Variants in BAK1 observed in about 807,000 individuals in gnomAD.
The protein encoded by BAK1 is bcl-2 homologous antagonist/killer.
In BAK1, 19 loss-of-function variants were observed where a neutral mutation model predicts 24.7. The observed-to-expected ratio is 0.77, with a 90% CI of 0.54 to 1.13. The LOEUF is 1.13. Ranked by LOEUF, BAK1 falls within the 50% of genes most tolerant of loss-of-function variation. The probability of loss-of-function intolerance (pLI) is 0.00; values close to 1 mark genes in which losing one functional copy is unlikely to be tolerated. For synonymous variants in BAK1, 86 were observed against 107.3 expected (o/e 0.80, Z 1.23); for missense variants, 194 against 279.4 (o/e 0.69, Z 2.18).
Position 33,573,244 on chromosome 6 carries a change from C to G in BAK1, c.*559G>C. 1 of 153,282 alleles carries G rather than the reference C, an allele frequency of 6.5e-6. No individual in the cohort carries two copies. The highest frequency in any genetic ancestry group is 6.5e-5 in the Admixed American group (1 of 15,498). 9.5% of individuals were successfully genotyped at this position (153,282 alleles called of 1,614,324 possible). On this transcript the variant is annotated 3_prime_UTR_variant, in exon 6 of 6. Coordinates refer to ENST00000374467, the MANE Select transcript of BAK1 (RefSeq NM_001188.4). ...GGGGTAGAGTTGAGCAGGACCTTGG[C>G]CCCCCTCTCCTAGTAGGTCCTGCTC...
At chr6:33,574,376 G>A (rs1762809145) in intron 4 of BAK1, 162 bp from the exon 5 acceptor site, 9 of 1,440,318 alleles carry the variant, frequency 6.2e-6, no homozygotes, top group African/African-American at 1.4e-5. Flanking sequence ...GAACAACCTG[G>A]GTCTCTGCGA....
At position 33,575,777 on chromosome 6, in the gene BAK1, A is replaced by G; in HGVS notation, c.206+16T>C. 1 of 1,611,452 alleles carries G rather than the reference A, an allele frequency of 6.2e-7. No homozygotes were observed. Among genetic ancestry groups the G allele is most frequent in the Non-Finnish European group, 8.5e-7 (1 of 1,179,356 alleles). On this transcript the variant is annotated intron_variant, in intron 3 of 5. Coordinates refer to ENST00000374467, the MANE Select transcript of BAK1 (RefSeq NM_001188.4). This position sits in a 1 kb window ranked among gnomAD's most constrained non-coding sequence, Gnocchi z 6.3. ...TCCCTGAAGATGTCCTTGTGGGCCC[A>G]GCGGTTGTAGCTCACCTGCTAGGTT...
In BAK1 at chr6:33,577,443, G is replaced by A. The variant is rs1762865716; in HGVS notation, c.70+92C>T. On this transcript the variant is annotated intron_variant, in intron 2 of 5. Transcript: ENST00000374467. This position sits in a 1 kb window ranked among gnomAD's most constrained non-coding sequence, Gnocchi z 4.6. The stretch of plus-strand genomic sequence containing the variant: ...ATTCCCCACCCACAGTGGGTGAACC[G>A]AGGCGAAGGAGCCTGCCTGAGTCCT... 7.2e-6 allele frequency: 9 copies of A among 1,244,684 alleles called. No homozygotes were observed. Among genetic ancestry groups the A allele is most frequent in the South Asian group, 1.6e-5 (1 of 61,508 alleles). 77.1% of individuals were successfully genotyped at this position (1,244,684 alleles called of 1,614,324 possible). A position where few individuals can be genotyped will look rare whatever the true frequency, so the allele number is the denominator to read the frequency against.
At position 33,575,269 on chromosome 6, in the gene BAK1, T is replaced by C. The variant is rs563033017; in HGVS notation, c.350+29A>G. On this transcript the variant is annotated intron_variant, in intron 4 of 5. Transcript: ENST00000374467. This position sits in a 1 kb window ranked among gnomAD's most constrained non-coding sequence, Gnocchi z 6.3. ...GGTTGTGACATGACAGAGGAGTGAC[T>C]GGAGCTGGCAGGGAGGTGGCTGGGG... The C allele has an allele frequency of 3.1e-6, 5 of 1,614,122 alleles. No homozygotes were observed. In the African/African-American group the frequency reaches 5.3e-5, roughly 17 times the overall value.
chr6:33,574,635 G>C, intron 4 of BAK1: 3 of 924,966 alleles, frequency 3.2e-6, no homozygotes, highest in Non-Finnish European at 4.6e-6. Flanking sequence ...GGATATTTCA[G>C]CTCTGAGCAC....
intron 4 of BAK1, chr6:33,574,451 G>A: frequency 6.7e-7 from 1 of 1,503,704 alleles, no homozygotes; most frequent in Non-Finnish European, 8.9e-7. Context: ...AGGTGCAACG[G>A]GGCACAGAGA....
rs1038957476 is a variant in BAK1 at position 33,573,070 on chromosome 6, A to AGAG, written c.*730_*732dup. Reference sequence around the variant, plus strand: ...AAGGAGAGAGGAAGGGAGAGAACTGAGAGGACCTTGGGAGGCAGGCTTGGA... The same window carrying AGAG: ...AAGGAGAGAGGAAGGGAGAGAACTGAGAGGAGGACCTTGGGAGGCAGGCTTGGA... On this transcript the variant is annotated 3_prime_UTR_variant, in exon 6 of 6. Transcript: ENST00000374467. 3 of 152,972 alleles carry AGAG rather than the reference A, an allele frequency of 2.0e-5. No homozygotes were observed. Among genetic ancestry groups the AGAG allele is most frequent in the African/African-American group, 7.2e-5 (3 of 41,420 alleles). The allele number at this position is 152,972 out of a possible 1,614,324, so 9.5% of individuals were successfully genotyped here.
rs762960717 is a variant in BAK1, at chr6:33,575,413, C to T, written c.235G>A (p.Ala79Thr). 7 of 1,613,844 alleles carry T rather than the reference C, an allele frequency of 4.3e-6. No homozygotes were observed. The highest frequency in any genetic ancestry group is 2.7e-5 in the African/African-American group (2 of 74,898). ...CGGTTGATGTCGTCCCCGATGATGG[C>T]GAGCTGCCGTCCCACCTGCCCCATG... The part of the protein sequence containing the change: ...STMGQVGRQL[A>T]IIGDDINRRY... Residue 79 changes from alanine to threonine, a missense_variant, in exon 4 of 6, where the codon GCC becomes ACC. By Grantham distance (58) the Ala-to-Thr change is moderately conservative. Coordinates refer to ENST00000374467, the MANE Select transcript of BAK1 (RefSeq NM_001188.4). The surrounding 1 kb of genome is among the most constrained non-coding windows in gnomAD (Gnocchi z 6.3).
rs1031476598 is a variant in BAK1 at position 33,576,062 on chromosome 6, C to T, written c.71-134G>A. ...GAAATATCCCAACCAGGTGCGGTGG[C>T]TCACGCCTATAATCCCAGCACTTTG... On this transcript the variant is annotated intron_variant, in intron 2 of 5. Transcript: ENST00000374467. The T allele has an allele frequency of 4.4e-6, 6 of 1,356,762 alleles. No individual in the cohort carries two copies. The African/African-American group carries it at 7.3e-5, about 16-fold the overall frequency. The allele number at this position is 1,356,762 out of a possible 1,614,324, so 84.0% of individuals were successfully genotyped here.
intron 4 of BAK1, chr6:33,574,542 C>T: frequency 7.2e-7 from 1 of 1,392,200 alleles, no homozygotes; most frequent in Non-Finnish European, 9.5e-7. Flanking sequence ...GCCCGAGGGA[C>T]AGCAGAGAGA....
Position 33,573,830 on chromosome 6 carries a change from A to C in BAK1, c.609T>G (p.Phe203Leu). Residue 203 changes from phenylalanine to leucine, a missense_variant, in exon 6 of 6, where the codon TTT becomes TTG. By Grantham distance (22) the Phe-to-Leu change is conservative. Transcript: ENST00000374467. Reference sequence around the variant, plus strand: ...ATGATTTGAAGAATCTTCGTACCACAAACTGGCCCAACAGAACCACACCCA... The same window carrying C: ...ATGATTTGAAGAATCTTCGTACCACCAACTGGCCCAACAGAACCACACCCA... ...VVLGVVLLGQ[F>L]VVRRFFKS 1 of 1,614,184 alleles carries C rather than the reference A, an allele frequency of 6.2e-7. No homozygotes were observed. Among genetic ancestry groups the C allele is most frequent in the Non-Finnish European group, 8.5e-7 (1 of 1,179,998 alleles).
In BAK1 at chr6:33,575,128, C is replaced by T. The variant is rs540936025; in HGVS notation, c.350+170G>A. On this transcript the variant is annotated intron_variant, in intron 4 of 5. Transcript: ENST00000374467. The surrounding 1 kb of genome is among the most constrained non-coding windows in gnomAD (Gnocchi z 6.3). Reference sequence around the variant, plus strand: ...TAATGCCCAAAATACAAGTCTGGGACCCCGAAAGAGAAAAATAGGGGGCCG... The same window carrying T: ...TAATGCCCAAAATACAAGTCTGGGATCCCGAAAGAGAAAAATAGGGGGCCG... 6 of 988,130 alleles carry T rather than the reference C, an allele frequency of 6.1e-6. No homozygotes were observed. In the African/African-American group the frequency reaches 8.0e-5, roughly 13 times the overall value. 61.2% of individuals were successfully genotyped at this position (988,130 alleles called of 1,614,324 possible). A position where few individuals can be genotyped will look rare whatever the true frequency, so the allele number is the denominator to read the frequency against.
In BAK1 at chr6:33,573,525, C is replaced by T. The variant is rs1762795410; in HGVS notation, c.*278G>A. 3 of 479,204 alleles carry T rather than the reference C, an allele frequency of 6.3e-6. No individual in the cohort carries two copies. The highest frequency in any genetic ancestry group is 6.8e-5 in the South Asian group (2 of 29,552). The allele number at this position is 479,204 out of a possible 1,614,324, so 29.7% of individuals were successfully genotyped here. On this transcript the variant is annotated 3_prime_UTR_variant, in exon 6 of 6. Coordinates refer to ENST00000374467, the MANE Select transcript of BAK1 (RefSeq NM_001188.4). Reference sequence around the variant, plus strand: ...CTCCCCAAGTTATCAGTCTCCCCAGCGCCTAGCAGACAGGGCTAAGGAGGT... The same window carrying T: ...CTCCCCAAGTTATCAGTCTCCCCAGTGCCTAGCAGACAGGGCTAAGGAGGT...
Position 33,574,157 on chromosome 6 carries a change from G to A in BAK1, c.408C>T (p.Tyr136=), listed in dbSNP as rs747223284. 2.0e-5 allele frequency: 33 copies of A among 1,614,020 alleles called. No individual in the cohort carries two copies. Among genetic ancestry groups the A allele is most frequent in the Non-Finnish European group, 8.5e-7 (1 of 1,180,024 alleles). Residue 136 remains tyrosine (Y), a synonymous_variant, in exon 5 of 6, where the codon TAC becomes TAT. Transcript: ENST00000374467. ...GRVVALLGFG[Y]RLALHVYQHG... is the part of the protein sequence containing the mutation. Reference sequence around the variant, plus strand: ...GCTGGTAGACGTGTAGGGCCAGACGGTAGCCGAAGCCCAGAAGAGCCACCA... The same window carrying A: ...GCTGGTAGACGTGTAGGGCCAGACGATAGCCGAAGCCCAGAAGAGCCACCA...
Position 33,577,813 on chromosome 6 carries a change from C to T in BAK1, c.-31-178G>A, listed in dbSNP as rs1258142024. ...AACTCCTGACCTCGTGAGTCTGCCT[C>T]GGCCATCCACAGTGCTGGGATTACA... On this transcript the variant is annotated intron_variant, in intron 1 of 5. Coordinates refer to ENST00000374467, the MANE Select transcript of BAK1 (RefSeq NM_001188.4). This position sits in a 1 kb window ranked among gnomAD's most constrained non-coding sequence, Gnocchi z 4.6. Among the ~76,000 whole-genome samples, 1 of 152,216 alleles carries T rather than the reference C, an allele frequency of 6.6e-6. No homozygotes were observed. Among genetic ancestry groups the T allele is most frequent in the Non-Finnish European group, 1.5e-5 (1 of 68,026 alleles).
At position 33,574,329 on chromosome 6, in the gene BAK1, A is replaced by G. The variant is rs1452280500; in HGVS notation, c.351-115T>C. On this transcript the variant is annotated intron_variant, in intron 4 of 5. Coordinates refer to ENST00000374467, the MANE Select transcript of BAK1 (RefSeq NM_001188.4). ...AGCTAAATAGCTTAGCTGTGAATTAAGGCCGCAGAGGCTGCCCCAACCTGG... is the reference window on the plus strand; with the variant it reads ...AGCTAAATAGCTTAGCTGTGAATTAGGGCCGCAGAGGCTGCCCCAACCTGG... 4.1e-6 allele frequency: 6 copies of G among 1,446,438 alleles called. 1 individual carries two copies. Among genetic ancestry groups the G allele is most frequent in the Non-Finnish European group, 4.7e-6 (5 of 1,060,966 alleles). The allele number at this position is 1,446,438 out of a possible 1,614,324, so 89.6% of individuals were successfully genotyped here.
intron 4 of BAK1, among the ~76,000 whole-genome samples, chr6:33,574,744 T>C (rs547867032): frequency 3.3e-5 from 5 of 152,338 alleles, no homozygotes; most frequent in African/African-American, 1.2e-4. Context: ...TGGCTAACAC[T>C]TTGTAAGGTG....
At chr6:33,574,596 A>G (rs1390821392) in intron 4 of BAK1, 1 of 1,276,008 alleles carries the variant, frequency 7.8e-7, no homozygotes, top group Non-Finnish European at 1.0e-6. Flanking sequence ...TCACAGTGGT[A>G]TGAAGGCTGG....
chr6:33,573,831 A>G lies in BAK1; in HGVS notation c.608T>C (p.Phe203Ser). ...TGATTTGAAGAATCTTCGTACCACA[A>G]ACTGGCCCAACAGAACCACACCCAG... ...VVLGVVLLGQ[F>S]VVRRFFKS The change falls in exon 6 of 6, where the codon TTT becomes TCT. Residue 203 changes from phenylalanine to serine, a missense_variant. Physicochemically the swap from Phe to Ser is radical, Grantham distance 155. Coordinates refer to ENST00000374467, the MANE Select transcript of BAK1 (RefSeq NM_001188.4). 6.2e-7 allele frequency: 1 copy of G among 1,614,188 alleles called. No individual in the cohort carries two copies. Among genetic ancestry groups the G allele is most frequent in the Non-Finnish European group, 8.5e-7 (1 of 1,179,984 alleles).
Sources: gnomAD v4.1 joint callset for allele counts (sites outside exome capture counted in the v4.1 genomes callset) on GRCh38, gnomAD v4.1.1 for gene constraint, Gnocchi (gnomAD v3.1) non-coding constraint, MANE v1.5 for transcripts, NCBI Gene and HGNC (gene_info 2026-07-23, HGNC 2026-07-21) for gene names.